The following MAML1 variants were observed in gnomAD, a reference collection of about 807,000 sequenced individuals.
MAML1 encodes mastermind like transcriptional coactivator 1.
MAML1 carries 14 observed loss-of-function variants against 77.1 expected under a neutral mutation model. The observed-to-expected ratio is 0.18, with a 90% CI of 0.12 to 0.28. The LOEUF (loss-of-function observed/expected upper bound fraction) is 0.28. Among genes scored for constraint, MAML1 ranks in the 10% least tolerant of loss-of-function variants. MAML1 has a pLI of 1.00. For synonymous variants in MAML1, 516 were observed against 551.9 expected, an observed-to-expected ratio of 0.93 and a Z score of 0.91; for missense variants, 1,217 against 1,327.8, an observed-to-expected ratio of 0.92 and a Z score of 1.30.
In MAML1 at chr5:179,768,984, G is replaced by A. The variant is rs1157854687; in HGVS notation, c.1866G>A (p.Lys622=). 6.2e-7 allele frequency: 1 copy of A among 1,614,244 alleles called. No individual in the cohort carries two copies. The highest frequency in any genetic ancestry group is 8.5e-7 in the Non-Finnish European group (1 of 1,180,050). Residue 622 remains lysine (K), a synonymous_variant, in exon 3 of 5, where the codon AAG becomes AAA. Coordinates refer to ENST00000292599, the MANE Select transcript of MAML1 (RefSeq NM_014757.5). ...LSSQQQAAVM[K]QHQLLLDQQK... is the part of the protein sequence containing the mutation. ...GCCAGCAACAGGCCGCTGTAATGAA[G>A]CAGCATCAGTTGCTTTTGGACCAAC... is the stretch of plus-strand genomic sequence containing the variant.
At chr5:179,753,277 C>T (rs1779541013) in intron 1 of MAML1, among the ~76,000 whole-genome samples, 1 of 151,952 alleles carries the variant, frequency 6.6e-6, no homozygotes. Context: ...CATTGTCTGT[C>T]TTTGGCCTCT....
At chr5:179,754,786 A>T (rs1464247441) in intron 1 of MAML1, among the ~76,000 whole-genome samples, 1 of 152,138 alleles carries the variant, frequency 6.6e-6, no homozygotes, top group Non-Finnish European at 1.5e-5. Flanking sequence ...TTCCCAGGTG[A>T]TGCTGATGCT....
Position 179,765,401 on chromosome 5 carries a change from G to A in MAML1, c.391G>A (p.Gly131Arg), listed in dbSNP as rs759600308. 30 of 1,613,960 alleles carry A rather than the reference G, an allele frequency of 1.9e-5. No individual in the cohort carries two copies. The highest frequency in any genetic ancestry group is 2.4e-5 in the Non-Finnish European group (28 of 1,180,010). ...PQNGDQQNGY[G>R]DLFPGHKKTR... is the part of the protein sequence containing the mutation. ...GAATGGCGATCAACAGAATGGCTAC[G>A]GGGACCTCTTTCCTGGGCATAAGAA... is the stretch of plus-strand genomic sequence containing the variant. The change falls in exon 2 of 5, where the codon GGG becomes AGG. Residue 131 changes from glycine (G) to arginine (R), a missense_variant. This residue lies in a region of MAML1 where 312 missense variants were observed against 331.4 expected (regional missense o/e 0.94). Coordinates refer to ENST00000292599, the MANE Select transcript of MAML1 (RefSeq NM_014757.5).
intron 1 of MAML1, among the ~76,000 whole-genome samples, chr5:179,761,439 G>A (rs995723619): frequency 1.3e-5 from 2 of 152,158 alleles, no homozygotes; most frequent in Non-Finnish European, 2.9e-5. Flanking sequence ...CCTCACACCT[G>A]TAATCCCAGC....
At position 179,774,254 on chromosome 5, in the gene MAML1, C is replaced by A. The variant is rs1385628943; in HGVS notation, c.2428C>A (p.Gln810Lys). 2.5e-6 allele frequency: 4 copies of A among 1,613,316 alleles called. No homozygotes were observed. The Admixed American group carries it at 6.7e-5, about 27-fold the overall frequency. The change falls in exon 5 of 5, where the codon CAG (glutamine) becomes AAG (lysine). Residue 810 changes from glutamine (Q) to lysine (K), a missense_variant. Coordinates refer to ENST00000292599, the MANE Select transcript of MAML1 (RefSeq NM_014757.5). ...TCTGGGAAGCTCTGGCCTCTCCCAG[C>A]AGCACAATAAGGGGACCCTGAACCC... Reference protein sequence around the residue: ...NSLGSSGLSQQHNKGTLNPGL... With the variant: ...NSLGSSGLSQKHNKGTLNPGL...
intron 1 of MAML1, among the ~76,000 whole-genome samples, chr5:179,757,608 A>T (rs754126729): frequency 3.9e-5 from 6 of 152,184 alleles, no homozygotes; most frequent in Non-Finnish European, 8.8e-5. Flanking sequence ...TTTAAAGCCA[A>T]TGGAACTCTA....
intron 1 of MAML1, among the ~76,000 whole-genome samples, chr5:179,756,676 TAAC>T (rs1317736092): frequency 6.6e-6 from 1 of 152,142 alleles, no homozygotes; most frequent in Admixed American, 6.6e-5. Flanking sequence ...GTCACACGGA[TAAC>T]ATCATAAAGG....
intron 1 of MAML1, among the ~76,000 whole-genome samples, chr5:179,733,968 A>G (rs367896002): frequency 2.6e-5 from 4 of 152,244 alleles, no homozygotes; most frequent in Non-Finnish European, 5.9e-5. Context: ...AATGAGTTGC[A>G]TATAAGTATT....
intron 4 of MAML1, among the ~76,000 whole-genome samples, chr5:179,772,567 C>G (rs1351984435): frequency 6.6e-6 from 1 of 152,188 alleles, no homozygotes; most frequent in Non-Finnish European, 1.5e-5. Context: ...GAGGCCTAGA[C>G]AGCAGTTCCC....
At chr5:179,750,463 A>AC (rs1554149927) in intron 1 of MAML1, among the ~76,000 whole-genome samples, 2 of 151,776 alleles carry the variant, frequency 1.3e-5, no homozygotes, top group Non-Finnish European at 2.9e-5. Context: ...CTCTCAATAG[A>AC]TTTTTTTGTT....
intron 1 of MAML1, among the ~76,000 whole-genome samples, chr5:179,734,948 TTATAGGCATGA>T (rs1377163493): frequency 7.2e-5 from 11 of 151,988 alleles, no homozygotes. Context: ...AGTGCTGAGA[TTATAGGCATGA>T]GCCACCGCAC....
intron 1 of MAML1, among the ~76,000 whole-genome samples, chr5:179,739,628 G>A (rs764694050): frequency 6.6e-6 from 1 of 152,150 alleles, no homozygotes; most frequent in African/African-American, 2.4e-5. Context: ...AGGCTGCAGC[G>A]AGCTATGATT....
At chr5:179,738,783 C>CT (rs11299146) in intron 1 of MAML1, among the ~76,000 whole-genome samples, 269 of 146,368 alleles carry the variant, frequency 1.8e-3, no homozygotes, top group South Asian at 2.8e-3. Context: ...TTATTGGCAT[C>CT]TTTTTTTTTT....
Position 179,771,360 on chromosome 5 carries a change from T to C in MAML1, c.2068+117T>C. 1 of 849,858 alleles carries C rather than the reference T, an allele frequency of 1.2e-6. No homozygotes were observed. The highest frequency in any genetic ancestry group is 1.9e-6 in the Non-Finnish European group (1 of 521,226). 52.6% of individuals were successfully genotyped at this position (849,858 alleles called of 1,614,324 possible). The stretch of plus-strand genomic sequence containing the variant: ...CTTCATCAGGCTGCATGCATTGTCA[T>C]CATATACACCTCAGTTTGCCTAAGG... On this transcript the variant is annotated intron_variant, in intron 4 of 4. Coordinates refer to ENST00000292599, the MANE Select transcript of MAML1 (RefSeq NM_014757.5). The surrounding 1 kb of genome is among the most constrained non-coding windows in gnomAD (Gnocchi z 4.7).
At position 179,766,136 on chromosome 5, in the gene MAML1, GC is replaced by G; in HGVS notation, c.1129del (p.Ala378GlnfsTer63). 1 of 1,573,696 alleles carries G rather than the reference GC, an allele frequency of 6.4e-7. No individual in the cohort carries two copies. Among genetic ancestry groups the G allele is most frequent in the Non-Finnish European group, 8.6e-7 (1 of 1,161,416 alleles). On this transcript the variant is annotated frameshift_variant, in exon 2 of 5. Coordinates refer to ENST00000292599, the MANE Select transcript of MAML1 (RefSeq NM_014757.5). LOFTEE classifies it high-confidence loss of function. The surrounding 1 kb of genome is among the most constrained non-coding windows in gnomAD (Gnocchi z 4.0). ...ASAQAQNAQR[A>X]LAGVVLPSQG... ...AGCCCAGGCCCAGAACGCACAAAGA[GC>G]CCTTGCAGGTGTGGTATTGCCCAGT...
chr5:179,758,814 C>T (rs1397276385), intron 1 of MAML1, among the ~76,000 whole-genome samples: 1 of 152,066 alleles, frequency 6.6e-6, no homozygotes, highest in East Asian at 1.9e-4. Context: ...ACCAGCCTCG[C>T]CAACATGGTG....
rs188686250 is a variant in MAML1, at chr5:179,736,854, G to C, written c.315+3427G>C. Among the ~76,000 whole-genome samples the C allele has an allele frequency of 1.2e-4, 18 of 151,980 alleles. No homozygotes were observed. The East Asian group carries it at 3.5e-3, about 30-fold the overall frequency. On this transcript the variant is annotated intron_variant, in intron 1 of 4. Transcript: ENST00000292599. The stretch of plus-strand genomic sequence containing the variant: ...CGTGCGCCTGTGGTCCCAGCTACAC[G>C]GGAGGCTGAGGGAGGAGAATCGCTG...
rs72807324 is a variant in MAML1, at chr5:179,774,463, G to T, written c.2637G>T (p.Pro879=). Residue 879 remains proline, a synonymous_variant, in exon 5 of 5, where the codon CCG becomes CCT. Coordinates refer to ENST00000292599, the MANE Select transcript of MAML1 (RefSeq NM_014757.5). ...AGGCCCACCTGAAAATGTCTAGCCC[G>T]CAATTCTCCCAGGCAGTGCCCAACA... ...QQQAHLKMSS[P]QFSQAVPNRP... 1.2e-6 allele frequency: 2 copies of T among 1,613,244 alleles called. No individual in the cohort carries two copies. The highest frequency in any genetic ancestry group is 1.1e-5 in the South Asian group (1 of 91,084).
chr5:179,753,131 A>T (rs1416387536), intron 1 of MAML1, among the ~76,000 whole-genome samples: 2 of 151,970 alleles, frequency 1.3e-5, no homozygotes, highest in Non-Finnish European at 2.9e-5. Context: ...GAAAGACTGT[A>T]TTTATAATTA....
Sources: gnomAD v4.1 joint callset for allele counts (sites outside exome capture counted in the v4.1 genomes callset) on GRCh38, gnomAD v4.1.1 for gene constraint, gnomAD v4.1.1 regional missense constraint, Gnocchi (gnomAD v3.1) non-coding constraint, MANE v1.5 for transcripts, NCBI Gene and HGNC (gene_info 2026-07-23, HGNC 2026-07-21) for gene names.